PTPRM: variants seen among roughly 807,000 people sequenced by gnomAD.
PTPRM encodes receptor-type tyrosine-protein phosphatase mu.
In PTPRM, 47 loss-of-function variants were observed where a neutral mutation model predicts 186.7. The ratio of observed to expected loss-of-function variants is 0.25; its 90% CI spans 0.20 to 0.32. PTPRM has a LOEUF of 0.32. Ranked by LOEUF, PTPRM falls within the 10% of genes least tolerant of loss-of-function variation. PTPRM has a pLI of 1.00. For missense variants in PTPRM, 1,494 were observed against 1,865.0 expected, an observed-to-expected ratio of 0.80 and a Z score of 3.66; for synonymous variants, 668 against 674.9, an observed-to-expected ratio of 0.99 and a Z score of 0.16.
At chr18:8,321,316 C>A (rs986299894) in intron 22 of PTPRM, among the ~76,000 whole-genome samples, 1 of 151,908 alleles carries the variant, frequency 6.6e-6, no homozygotes, top group Non-Finnish European at 1.5e-5. Context: ...ATATTGAGGC[C>A]CTCTAGATTA....
chr18:7,684,713 G>A (rs149676994), intron 1 of PTPRM, among the ~76,000 whole-genome samples: 34 of 152,282 alleles, frequency 2.2e-4, no homozygotes, highest in African/African-American at 7.5e-4. Flanking sequence ...TACATTGTAT[G>A]TATATGACAC....
intron 7 of PTPRM, among the ~76,000 whole-genome samples, chr18:7,960,228 T>C (rs2053568881): frequency 6.6e-6 from 1 of 151,974 alleles, no homozygotes; most frequent in African/African-American, 2.4e-5. Context: ...TTAAGATTGG[T>C]GAGAGTGAAG....
At chr18:8,141,194 A>G (rs951994670) in intron 13 of PTPRM, among the ~76,000 whole-genome samples, 2 of 152,190 alleles carry the variant, frequency 1.3e-5, no homozygotes, top group African/African-American at 4.8e-5. Flanking sequence ...ACACCCACCC[A>G]TCAGGTTATC....
At chr18:8,098,069 G>T (rs2091098741) in intron 11 of PTPRM, among the ~76,000 whole-genome samples, 1 of 152,152 alleles carries the variant, frequency 6.6e-6, no homozygotes, top group African/African-American at 2.4e-5. Context: ...CTGTAGCCTA[G>T]CAGCAATAGG....
chr18:8,021,342 AC>A (rs1252736269), intron 7 of PTPRM, among the ~76,000 whole-genome samples: 1 of 151,818 alleles, frequency 6.6e-6, no homozygotes, highest in Non-Finnish European at 1.5e-5. Flanking sequence ...ACACACACAC[AC>A]ACACACACAC....
At chr18:8,376,623 G>C (rs2095697059) in intron 26 of PTPRM, 26 bp downstream of exon 26, 1 of 1,600,550 alleles carries the variant, frequency 6.2e-7, no homozygotes, top group Non-Finnish European at 8.5e-7. Flanking sequence ...ACCTAGCCTG[G>C]GGCCTTGGTC....
intron 1 of PTPRM, among the ~76,000 whole-genome samples, chr18:7,606,689 T>G (rs1185623778): frequency 6.6e-6 from 1 of 152,152 alleles, no homozygotes; most frequent in Non-Finnish European, 1.5e-5. Context: ...ATTTGGCTAA[T>G]TTGTATTTGT....
intron 1 of PTPRM, among the ~76,000 whole-genome samples, chr18:7,610,589 C>T (rs2037648211): frequency 6.6e-6 from 1 of 152,186 alleles, no homozygotes; most frequent in Non-Finnish European, 1.5e-5. Flanking sequence ...TATGAGGACA[C>T]ATATAATCCC....
At chr18:8,279,931 A>G (rs549808964) in intron 19 of PTPRM, among the ~76,000 whole-genome samples, 18 of 152,316 alleles carry the variant, frequency 1.2e-4, no homozygotes, top group African/African-American at 3.8e-4. Context: ...CACAGCAGGC[A>G]CAACAGACAC....
At chr18:7,902,468 T>G (rs1437312942) in intron 3 of PTPRM, among the ~76,000 whole-genome samples, 2 of 152,116 alleles carry the variant, frequency 1.3e-5, no homozygotes, top group Admixed American at 6.5e-5. Flanking sequence ...TGCTGGGGGT[T>G]GTGTGGCTGT....
chr18:7,875,670 C>CT (rs943869731), intron 2 of PTPRM, among the ~76,000 whole-genome samples: 7 of 152,248 alleles, frequency 4.6e-5, no homozygotes, highest in Admixed American at 2.0e-4. Flanking sequence ...CATCTTTACT[C>CT]TTTTTTCAGC....
At chr18:8,233,385 G>C (rs79848479) in intron 14 of PTPRM, among the ~76,000 whole-genome samples, 3,972 of 152,274 alleles carry the variant, frequency 0.026, 73 homozygotes, top group East Asian at 0.055. Flanking sequence ...GTGGTATCTT[G>C]TTGTTCTGAT....
At chr18:8,000,287 T>A (rs909813131) in intron 7 of PTPRM, among the ~76,000 whole-genome samples, 7 of 152,206 alleles carry the variant, frequency 4.6e-5, no homozygotes, top group African/African-American at 1.7e-4. Context: ...TTGTAGATAG[T>A]TGAATATGAT....
intron 14 of PTPRM, among the ~76,000 whole-genome samples, chr18:8,216,292 G>A (rs1466978495): frequency 6.6e-6 from 1 of 152,014 alleles, no homozygotes; most frequent in Non-Finnish European, 1.5e-5. Context: ...ATATGTGGGG[G>A]TATACATTTT....
At chr18:8,376,288 C>T in intron 25 of PTPRM, 88 bp downstream of exon 25, 4 of 1,552,052 alleles carry the variant, frequency 2.6e-6, no homozygotes, top group South Asian at 1.2e-5. Flanking sequence ...TGTTTTAGAA[C>T]TTCAGAGGGG....
intron 1 of PTPRM, among the ~76,000 whole-genome samples, chr18:7,586,320 G>T (rs1042177188): frequency 6.6e-6 from 1 of 152,130 alleles, no homozygotes. Context: ...GAATGGTTCA[G>T]GTATTGTAAG....
intron 2 of PTPRM, among the ~76,000 whole-genome samples, chr18:7,837,310 C>G (rs552163958): frequency 1.3e-3 from 194 of 152,278 alleles, no homozygotes; most frequent in Non-Finnish European, 2.3e-3. Context: ...CTCATACATT[C>G]TTCAGTATGC....
intron 2 of PTPRM, chr18:7,815,784 A>G (rs1233909872): frequency 6.6e-6 from 1 of 152,194 alleles, no homozygotes; most frequent in Non-Finnish European, 1.5e-5. Flanking sequence ...CATTTTGAAG[A>G]GATTGTAGTT....
intron 1 of PTPRM, among the ~76,000 whole-genome samples, chr18:7,633,713 C>T (rs1302490655): frequency 6.6e-6 from 1 of 152,166 alleles, no homozygotes; most frequent in Admixed American, 6.6e-5. Flanking sequence ...CCTGCATCCT[C>T]CGCATCGCAG....
Sources: allele counts gnomAD v4.1 joint callset (sites outside exome capture counted in the v4.1 genomes callset), GRCh38; gene constraint gnomAD v4.1.1; transcripts MANE v1.5; gene names NCBI Gene and HGNC (gene_info 2026-07-23, HGNC 2026-07-21).